The following DTNA variants were observed in gnomAD, a reference collection of about 807,000 sequenced individuals.
DTNA encodes dystrobrevin alpha.
A neutral mutation model predicts 100.7 loss-of-function variants in DTNA; 43 were observed. That is an observed-to-expected ratio of 0.43 (90% confidence interval 0.33 to 0.55). The LOEUF (loss-of-function observed/expected upper bound fraction) is 0.55, where lower values mean the gene tolerates loss of function less well. Ranked by LOEUF, DTNA falls within the 20% of genes least tolerant of loss-of-function variation. The probability of loss-of-function intolerance (pLI) is 0.04; values close to 1 mark genes in which losing one functional copy is unlikely to be tolerated. For missense variants in DTNA, 798 were observed against 953.9 expected, an observed-to-expected ratio of 0.84 and a Z score of 2.15; for synonymous variants, 349 against 347.9, an observed-to-expected ratio of 1.00 and a Z score of -0.04.
At chr18:34,666,407 C>G (rs2075935264) in intron 1 of DTNA, among the ~76,000 whole-genome samples, 1 of 151,880 alleles carries the variant, frequency 6.6e-6, no homozygotes, top group African/African-American at 2.4e-5. Flanking sequence ...TTTTGCTGTG[C>G]AGAAGCTCTT....
chr18:34,614,564 G>T (rs2054867734), intron 1 of DTNA, among the ~76,000 whole-genome samples: 1 of 152,162 alleles, frequency 6.6e-6, no homozygotes. Flanking sequence ...GAGTTTAGAA[G>T]AAGTTGATTT....
intron 1 of DTNA, among the ~76,000 whole-genome samples, chr18:34,694,004 A>G (rs768888663): frequency 3.3e-5 from 5 of 152,194 alleles, no homozygotes; most frequent in Non-Finnish European, 5.9e-5. Context: ...CTACTGTTAT[A>G]TGAATAACTT....
intron 1 of DTNA, among the ~76,000 whole-genome samples, chr18:34,611,101 A>G (rs1195663217): frequency 6.6e-6 from 1 of 152,146 alleles, no homozygotes; most frequent in African/African-American, 2.4e-5. Context: ...TATTGTGCAA[A>G]TTTTCTATAA....
chr18:34,740,326 G>A lies in DTNA; in HGVS notation c.-1-15650G>A, dbSNP rs931650944. On this transcript the variant is annotated intron_variant, in intron 1 of 22. Coordinates refer to ENST00000444659, the MANE Select transcript of DTNA (RefSeq NM_001386795.1). ...CCAGAACCATCAGGAAATGGCTTGA[G>A]TACCCCCTGGGAAAAAGGCTTTGTT... Among the ~76,000 whole-genome samples the A allele has an allele frequency of 3.3e-5, 5 of 152,170 alleles. No individual in the cohort carries two copies. The East Asian group carries it at 7.7e-4, about 23-fold the overall frequency.
intron 1 of DTNA, among the ~76,000 whole-genome samples, chr18:34,693,880 C>T (rs2080140483): frequency 6.6e-6 from 1 of 151,668 alleles, no homozygotes; most frequent in Non-Finnish European, 1.5e-5. Context: ...AAAAAGGCAA[C>T]TAAAGTGATT....
chr18:34,858,549 G>A, intron 16 of DTNA, 151 bp downstream of exon 16: 3 of 779,522 alleles, frequency 3.8e-6, no homozygotes, highest in Non-Finnish European at 6.6e-6. Context: ...CTGATATTTG[G>A]GGGATTTAGA....
upstream of DTNA, among the ~76,000 whole-genome samples, chr18:34,705,581 A>G (rs896815594): frequency 5.3e-5 from 8 of 152,212 alleles, no homozygotes; most frequent in African/African-American, 1.9e-4. Context: ...CAGATTCCTC[A>G]TAAATAAAAA....
rs182153269 is a variant in DTNA, at chr18:34,733,493, G to A, written c.-1-22483G>A. On this transcript the variant is annotated intron_variant, in intron 1 of 22. Coordinates refer to ENST00000444659, the MANE Select transcript of DTNA (RefSeq NM_001386795.1). ...GTCCATTATGGTAGCTATGCCCACC[G>A]TGCCTTTGATGGTTGAGTGCCAACT... Among the ~76,000 whole-genome samples, 309 of 152,298 alleles carry A rather than the reference G, an allele frequency of 2.0e-3. 2 individuals carry two copies. The highest frequency in any genetic ancestry group is 7.1e-3 in the African/African-American group (296 of 41,562).
intron 1 of DTNA, among the ~76,000 whole-genome samples, chr18:34,501,658 T>C (rs1372603753): frequency 6.6e-6 from 1 of 152,196 alleles, no homozygotes; most frequent in African/African-American, 2.4e-5. Flanking sequence ...TCTATATTAG[T>C]GTGCTAGGGC....
At chr18:34,550,060 G>C (rs938505555) in intron 1 of DTNA, among the ~76,000 whole-genome samples, 1 of 152,046 alleles carries the variant, frequency 6.6e-6, no homozygotes, top group East Asian at 1.9e-4. Context: ...ATCCCAAAGT[G>C]TTCTCTGGGA....
intron 1 of DTNA, among the ~76,000 whole-genome samples, chr18:34,594,969 G>T (rs1052080731): frequency 6.6e-6 from 1 of 152,230 alleles, no homozygotes; most frequent in African/African-American, 2.4e-5. Flanking sequence ...TTGCTTTTCA[G>T]TGTAAATATC....
intron 3 of DTNA, among the ~76,000 whole-genome samples, chr18:34,791,371 G>A (rs1269399142): frequency 6.6e-6 from 1 of 152,046 alleles, no homozygotes; most frequent in Non-Finnish European, 1.5e-5. Context: ...CAAGCAGGAC[G>A]ACAGGCTGGA....
chr18:34,718,406 G>A (rs539710230), intron 1 of DTNA, among the ~76,000 whole-genome samples: 71 of 152,164 alleles, frequency 4.7e-4, no homozygotes, highest in Admixed American at 3.8e-3. Flanking sequence ...ATTAGGCATC[G>A]TTTAGAAAGG....
chr18:34,548,041 C>T (rs184513726), intron 1 of DTNA, among the ~76,000 whole-genome samples: 3 of 152,176 alleles, frequency 2.0e-5, no homozygotes, highest in Admixed American at 2.0e-4. Context: ...CGATTGAAGA[C>T]AATATTTTTG....
chr18:34,612,097 C>G (rs747886504), intron 1 of DTNA, among the ~76,000 whole-genome samples: 1 of 152,210 alleles, frequency 6.6e-6, no homozygotes, highest in Non-Finnish European at 1.5e-5. Context: ...CGTGAGCTCA[C>G]CGGCTGGCAA....
Position 34,691,243 on chromosome 18 carries a change from A to G in DTNA, c.-1-64733A>G, listed in dbSNP as rs535667182. ...TGTATTCTTCCTCTCCTTTCCTTTT[A>G]AAACATGACCGACTAAACTAACTTT... is the stretch of plus-strand genomic sequence containing the variant. On this transcript the variant is annotated intron_variant, in intron 1 of 19. Transcript: ENST00000283365. Among the ~76,000 whole-genome samples the G allele has an allele frequency of 2.0e-5, 3 of 152,276 alleles. No homozygotes were observed. The South Asian group carries it at 6.2e-4, about 32-fold the overall frequency.
rs555151342 is a variant in DTNA, at chr18:34,498,259, C to T, written c.-2+4745C>T. On this transcript the variant is annotated intron_variant, in intron 1 of 19. Transcript: ENST00000283365. ...TGAAACTCCGTCTCTACTAAAAATACGAAAACAAAAGATTAGCTGGGGGTG... is the reference window on the plus strand; with the variant it reads ...TGAAACTCCGTCTCTACTAAAAATATGAAAACAAAAGATTAGCTGGGGGTG... Among the ~76,000 whole-genome samples the T allele has an allele frequency of 1.2e-4, 18 of 151,824 alleles. 1 individual carries two copies. The South Asian group carries it at 1.5e-3, about 12-fold the overall frequency.
At chr18:34,703,157 G>C (rs1178076031) in intron 1 of DTNA, among the ~76,000 whole-genome samples, 1 of 152,148 alleles carries the variant, frequency 6.6e-6, no homozygotes, top group Non-Finnish European at 1.5e-5. Context: ...TCTATGCTCT[G>C]TATGTATGTA....
chr18:34,548,071 A>G (rs1407205226), intron 1 of DTNA, among the ~76,000 whole-genome samples: 1 of 152,130 alleles, frequency 6.6e-6, no homozygotes, highest in Non-Finnish European at 1.5e-5. Flanking sequence ...GAAACCTTTT[A>G]CCTTCTGTTT....
Sources: allele counts gnomAD v4.1 joint callset (sites outside exome capture counted in the v4.1 genomes callset), GRCh38; gene constraint gnomAD v4.1.1; transcripts MANE v1.5; gene names NCBI Gene and HGNC (gene_info 2026-07-23, HGNC 2026-07-21).